KIAA0319L: variants seen among roughly 807,000 people sequenced by gnomAD.
KIAA0319L encodes dyslexia-associated protein KIAA0319-like protein.
KIAA0319L carries 55 observed loss-of-function variants against 120.1 expected under a neutral mutation model. The ratio of observed to expected loss-of-function variants is 0.46; its 90% CI spans 0.37 to 0.57. KIAA0319L has a LOEUF of 0.57. Ranked by LOEUF, KIAA0319L falls within the 20% of genes least tolerant of loss-of-function variation. KIAA0319L has a pLI of 0.00. For missense variants in KIAA0319L, 1,049 were observed against 1,255.3 expected, an observed-to-expected ratio of 0.84 and a Z score of 2.48; for synonymous variants, 398 against 471.9, an observed-to-expected ratio of 0.84 and a Z score of 2.03.
At chr1:35,516,214 T>G (rs1454922080) in intron 2 of KIAA0319L, among the ~76,000 whole-genome samples, 1 of 152,118 alleles carries the variant, frequency 6.6e-6, no homozygotes, top group African/African-American at 2.4e-5. Flanking sequence ...GCCAGCATCA[T>G]CCTGATACCA....
intron 2 of KIAA0319L, among the ~76,000 whole-genome samples, chr1:35,536,670 G>A (rs1646584249): frequency 6.6e-6 from 1 of 152,084 alleles, no homozygotes; most frequent in African/African-American, 2.4e-5. Context: ...GCATTAATTG[G>A]ATACAGGTGC....
intron 6 of KIAA0319L, among the ~76,000 whole-genome samples, chr1:35,467,952 G>C (rs1316068920): frequency 1.3e-5 from 2 of 152,064 alleles, no homozygotes; most frequent in South Asian, 4.1e-4. Context: ...GCCTCCCAAA[G>C]TGCTGGGATT....
intron 2 of KIAA0319L, among the ~76,000 whole-genome samples, chr1:35,540,895 C>A (rs1646759442): frequency 6.6e-6 from 1 of 152,110 alleles, no homozygotes; most frequent in Admixed American, 6.5e-5. Flanking sequence ...AGACTGCAAG[C>A]TTCATGAGGG....
chr1:35,477,622 G>A (rs1216472416), intron 4 of KIAA0319L, among the ~76,000 whole-genome samples: 4 of 144,842 alleles, frequency 2.8e-5, no homozygotes, highest in African/African-American at 5.2e-5. Context: ...AGCCGAGATT[G>A]CGCCACTGCA....
At chr1:35,484,225 CA>C (rs1026509815) in intron 3 of KIAA0319L, among the ~76,000 whole-genome samples, 4 of 152,076 alleles carry the variant, frequency 2.6e-5, no homozygotes, top group Non-Finnish European at 5.9e-5. Context: ...ACAGTTTTTG[CA>C]CATATTTTGT....
chr1:35,550,478 C>A (rs1647159729), intron 2 of KIAA0319L, among the ~76,000 whole-genome samples: 2 of 151,984 alleles, frequency 1.3e-5, no homozygotes, highest in Non-Finnish European at 2.9e-5. Flanking sequence ...GGTTGTTTTC[C>A]CCCTTATATA....
intron 4 of KIAA0319L, among the ~76,000 whole-genome samples, chr1:35,478,117 A>G (rs1161139514): frequency 1.3e-5 from 2 of 152,330 alleles, no homozygotes; most frequent in African/African-American, 2.4e-5. Flanking sequence ...ATGGAACTGG[A>G]GGTCATTATG....
At position 35,524,755 on chromosome 1, in the gene KIAA0319L, A is replaced by G. The variant is rs1209112; in HGVS notation, c.143-17620T>C. On this transcript the variant is annotated intron_variant, in intron 2 of 20. Transcript: ENST00000325722. ...ACATATTTATGGGATACCTGTGAGT[A>G]TTTGTTACATGCATAGAATGTGCAG... Among the ~76,000 whole-genome samples, 760 of 152,304 alleles carry G rather than the reference A, an allele frequency of 5.0e-3. 10 individuals carry two copies. The highest frequency in any genetic ancestry group is 0.017 in the African/African-American group (704 of 41,566).
At chr1:35,484,432 C>A (rs2148332159) in intron 3 of KIAA0319L, among the ~76,000 whole-genome samples, 1 of 152,198 alleles carries the variant, frequency 6.6e-6, no homozygotes, top group South Asian at 2.1e-4. Context: ...AATAAAACTT[C>A]AATTCCCAAT....
rs564832371 is a variant in KIAA0319L, at chr1:35,524,903, T to A, written c.143-17768A>T. On this transcript the variant is annotated intron_variant, in intron 2 of 20. Coordinates refer to ENST00000325722, the MANE Select transcript of KIAA0319L (RefSeq NM_024874.5). ...ATATACAATACATTGTTGTTAACTA[T>A]AGTTACCCTACTCTACTACAGAACA... Among the ~76,000 whole-genome samples, 15 of 152,324 alleles carry A rather than the reference T, an allele frequency of 9.8e-5. No individual in the cohort carries two copies. The East Asian group carries it at 2.7e-3, about 27-fold the overall frequency.
At chr1:35,491,365 C>G (rs1011652190) in intron 3 of KIAA0319L, among the ~76,000 whole-genome samples, 13 of 152,056 alleles carry the variant, frequency 8.5e-5, no homozygotes, top group Non-Finnish European at 1.9e-4. Flanking sequence ...CAACAAGCCC[C>G]AAGCACATGA....
chr1:35,557,271 G>T lies in KIAA0319L; in HGVS notation c.-93C>A. On this transcript the variant is annotated 5_prime_UTR_variant, in exon 1 of 21. Coordinates refer to ENST00000325722, the MANE Select transcript of KIAA0319L (RefSeq NM_024874.5). Reference sequence around the variant, plus strand: ...GGCCTCCGCCTCCTCCTGGTCCATGGGCTCGGGGACCCCCAACCTTCGCTC... The same window carrying T: ...GGCCTCCGCCTCCTCCTGGTCCATGTGCTCGGGGACCCCCAACCTTCGCTC... The T allele has an allele frequency of 4.7e-6, 1 of 213,956 alleles. No homozygotes were observed. The highest frequency in any genetic ancestry group is 9.7e-6 in the Non-Finnish European group (1 of 103,046). 13.3% of individuals were successfully genotyped at this position (213,956 alleles called of 1,614,324 possible).
intron 16 of KIAA0319L, among the ~76,000 whole-genome samples, chr1:35,445,559 A>C (rs1039328902): frequency 6.6e-6 from 1 of 152,190 alleles, no homozygotes; most frequent in African/African-American, 2.4e-5. Context: ...ACTCATAACC[A>C]TTAATTGCAC....
At chr1:35,443,620 C>G (rs1414573947) in intron 17 of KIAA0319L, among the ~76,000 whole-genome samples, 1 of 152,016 alleles carries the variant, frequency 6.6e-6, no homozygotes, top group African/African-American at 2.4e-5. Context: ...TTGCAGTGAG[C>G]TGAGATTACA....
chr1:35,456,142 G>A lies in KIAA0319L; in HGVS notation c.1527C>T (p.Pro509=). ...VDYPPVANAG[P]NQVITLPQNS... The stretch of plus-strand genomic sequence containing the variant: ...TTTGGGGCAGGGTGATCACTTGGTT[G>A]GGGCCTGCGTTGGCCACAGGGGGGT... Residue 509 remains proline (P), a synonymous_variant, in exon 10 of 21, where the codon CCC becomes CCT. Coordinates refer to ENST00000325722, the MANE Select transcript of KIAA0319L (RefSeq NM_024874.5). 2.5e-6 allele frequency: 4 copies of A among 1,614,004 alleles called. No individual in the cohort carries two copies. Among genetic ancestry groups the A allele is most frequent in the Non-Finnish European group, 3.4e-6 (4 of 1,179,966 alleles).
chr1:35,443,705 T>TAAATAAATAAATAAATAAGC (rs1553189366), intron 17 of KIAA0319L, among the ~76,000 whole-genome samples: 18 of 151,348 alleles, frequency 1.2e-4, no homozygotes, highest in South Asian at 2.1e-4. Context: ...AATAAATAAA[T>TAAATAAATAAATAAATAAGC]AAGCATTAAA....
At chr1:35,480,144 T>A (rs777809515) in intron 3 of KIAA0319L, among the ~76,000 whole-genome samples, 6 of 151,828 alleles carry the variant, frequency 4.0e-5, no homozygotes, top group Non-Finnish European at 8.8e-5. Context: ...GGGCAGAGAA[T>A]GAATGTAGGC....
chr1:35,472,622 A>C (rs1643693423), intron 5 of KIAA0319L, among the ~76,000 whole-genome samples: 2 of 151,586 alleles, frequency 1.3e-5, no homozygotes, highest in Admixed American at 1.3e-4. Flanking sequence ...ATGGACCTGG[A>C]GGGATCCTAA....
intron 2 of KIAA0319L, among the ~76,000 whole-genome samples, chr1:35,512,289 T>G (rs1266960641): frequency 1.3e-5 from 1 of 75,502 alleles, no homozygotes; most frequent in South Asian, 3.4e-4. Flanking sequence ...ATAAATAAAA[T>G]AAAATAAAAA....
Sources: allele counts gnomAD v4.1 joint callset (sites outside exome capture counted in the v4.1 genomes callset), GRCh38; gene constraint gnomAD v4.1.1; transcripts MANE v1.5; gene names NCBI Gene and HGNC (gene_info 2026-07-23, HGNC 2026-07-21).